The following USP7 variants were observed in gnomAD, a reference collection of about 807,000 sequenced individuals.
USP7 encodes ubiquitin specific peptidase 7, also known as ubiquitin C-terminal hydrolase 7.
A neutral mutation model predicts 162.9 loss-of-function variants in USP7; 9 were observed. That is an observed-to-expected ratio of 0.06 (90% CI 0.03 to 0.10). The LOEUF (loss-of-function observed/expected upper bound fraction) is 0.10. USP7 is among the 10% of genes least tolerant of loss of function. USP7 has a pLI of 1.00. For missense variants in USP7, 715 were observed against 1,373.7 expected (o/e 0.52, Z 7.58); for synonymous variants, 562 against 475.9 (o/e 1.18, Z -2.35).
chr16:8,939,166 G>A (rs1247435310), intron 1 of USP7, among the ~76,000 whole-genome samples: 4 of 152,156 alleles, frequency 2.6e-5, no homozygotes, highest in Non-Finnish European at 4.4e-5. Flanking sequence ...TATTTACTGT[G>A]TAGATTTGTG....
At chr16:8,911,985 T>G (rs2061954123) in intron 10 of USP7, among the ~76,000 whole-genome samples, 1 of 152,180 alleles carries the variant, frequency 6.6e-6, no homozygotes, top group South Asian at 2.1e-4. Flanking sequence ...GGGGACAGGT[T>G]ATCCCTCAAG....
chr16:8,958,938 G>C (rs986017692), intron 1 of USP7, among the ~76,000 whole-genome samples: 1 of 152,216 alleles, frequency 6.6e-6, no homozygotes, highest in Non-Finnish European at 1.5e-5. Context: ...ATCGGATATG[G>C]TTACTGTGGG....
rs138049921 is a variant in USP7, at chr16:8,932,467, CCAT to C, written c.80-2073_80-2071del. 4.8e-3 allele frequency among the ~76,000 whole-genome samples: 728 copies of C among 152,166 alleles called. 9 individuals carry two copies. The highest frequency in any genetic ancestry group is 0.017 in the African/African-American group (699 of 41,500). On this transcript the variant is annotated intron_variant, in intron 1 of 30. Transcript: ENST00000344836. ...ACATACTTCTAAACTAGTCCCTAGA[CCAT>C]CATGTCTTGACAGAAATACTGTGGA...
At chr16:8,903,726 G>A (rs1035552400) in intron 15 of USP7, among the ~76,000 whole-genome samples, 1 of 152,086 alleles carries the variant, frequency 6.6e-6, no homozygotes, top group Middle Eastern at 3.2e-3. Context: ...AATTAGCTGG[G>A]TGTGGTGGCA....
intron 1 of USP7, among the ~76,000 whole-genome samples, chr16:8,952,551 G>T (rs1156989037): frequency 6.6e-6 from 1 of 152,170 alleles, no homozygotes; most frequent in Non-Finnish European, 1.5e-5. Flanking sequence ...CCTTGCACCT[G>T]TCTTCTCAGG....
intron 28 of USP7, 55 bp from the exon 29 acceptor site, chr16:8,894,910 C>T (rs1206908785): frequency 1.5e-5 from 24 of 1,613,744 alleles, no homozygotes; most frequent in East Asian, 4.5e-5. Context: ...CCCCAGGCCA[C>T]GTCACGTGGC....
intron 8 of USP7, 105 bp downstream of exon 8, chr16:8,916,397 A>T: frequency 8.4e-7 from 1 of 1,186,048 alleles, no homozygotes; most frequent in Non-Finnish European, 1.2e-6. Context: ...CTAAACAAAG[A>T]TGGGCATTTT....
intron 16 of USP7, among the ~76,000 whole-genome samples, chr16:8,902,930 C>G (rs2061799562): frequency 6.6e-6 from 1 of 152,158 alleles, no homozygotes; most frequent in South Asian, 2.1e-4. Context: ...TAATTCTTCC[C>G]CGGTTGATTT....
At chr16:8,898,905 T>C (rs934634861) in intron 23 of USP7, among the ~76,000 whole-genome samples, 1 of 152,188 alleles carries the variant, frequency 6.6e-6, no homozygotes, top group Admixed American at 6.5e-5. Flanking sequence ...TGAGGATGTA[T>C]CTAAAGTCAG....
At chr16:8,929,327 C>G in intron 2 of USP7, 1 of 373,080 alleles carries the variant, frequency 2.7e-6, no homozygotes, top group South Asian at 2.0e-5. Flanking sequence ...AAAGCGCACT[C>G]CACAGGTAAC....
chr16:8,908,933 C>A (rs2061901056), intron 11 of USP7, among the ~76,000 whole-genome samples: 1 of 152,226 alleles, frequency 6.6e-6, no homozygotes, highest in Non-Finnish European at 1.5e-5. Flanking sequence ...GGATTATAAG[C>A]TTCCTTTCCT....
chr16:8,898,611 T>C lies in USP7; in HGVS notation c.2560A>G (p.Arg854Gly). 1 of 1,607,858 alleles carries C rather than the reference T, an allele frequency of 6.2e-7. No homozygotes were observed. The highest frequency in any genetic ancestry group is 8.5e-7 in the Non-Finnish European group (1 of 1,178,252). The change falls in exon 24 of 31, where the codon AGA (arginine) becomes GGA (glycine). Residue 854 changes from arginine to glycine, a missense_variant. Transcript: ENST00000344836. ...GYRDGPGNPLRHNYEGTLRDL... is the reference protein window; with the variant it reads ...GYRDGPGNPLGHNYEGTLRDL... ...CTTAAAGTACCTTCATAATTATGTC[T>C]AAGAGGATTACCTGGGCCATCCCTA...
chr16:8,929,045 T>TAAA (rs35836333), intron 2 of USP7, among the ~76,000 whole-genome samples: 1 of 142,320 alleles, frequency 7.0e-6, no homozygotes, highest in Non-Finnish European at 1.5e-5. Context: ...ACCTCCCCCC[T>TAAA]AAAAAAAAAA....
In USP7 at chr16:8,917,138, T is replaced by C. The variant is rs745639108; in HGVS notation, c.739A>G (p.Thr247Ala). ...QLRKAVYMMP[T>A]EGDDSSKSVP... is the part of the protein sequence containing the mutation. ...CTTTTAGACGAATCATCCCCCTCGG[T>C]TGGCATCATGTACACAGCCTGAAAC... Residue 247 changes from threonine (T) to alanine (A), a missense_variant, in exon 7 of 31, where the codon ACC becomes GCC. Around this residue, in one of 11 missense-constraint regions of USP7, gnomAD observed 24 missense variants for 153.3 expected, o/e 0.16. Coordinates refer to ENST00000344836, the MANE Select transcript of USP7 (RefSeq NM_003470.3). 9 of 1,612,966 alleles carry C rather than the reference T, an allele frequency of 5.6e-6. No homozygotes were observed. Among genetic ancestry groups the C allele is most frequent in the East Asian group, 2.2e-5 (1 of 44,872 alleles).
chr16:8,947,464 T>G (rs1899339458), intron 1 of USP7, among the ~76,000 whole-genome samples: 2 of 151,874 alleles, frequency 1.3e-5, no homozygotes, highest in African/African-American at 2.4e-5. Context: ...CTATCCCACA[T>G]CAGCCTCCTG....
rs1897403442 is a variant in USP7 at position 8,916,947 on chromosome 16, T to C, written c.851+79A>G. ...GCCTACAGTATGCTCTACTAACTTT[T>C]CTATTCTCTACTCACTTGTCCTAAA... On this transcript the variant is annotated intron_variant, in intron 7 of 30. Transcript: ENST00000344836. 2.8e-6 allele frequency: 4 copies of C among 1,451,392 alleles called. No homozygotes were observed. In the South Asian group the frequency reaches 6.3e-5, roughly 23 times the overall value. The allele number at this position is 1,451,392 out of a possible 1,614,324, so 89.9% of individuals were successfully genotyped here.
At chr16:8,901,099 C>T (rs1380952384) in intron 19 of USP7, 42 bp from the exon 20 acceptor site, 2 of 1,613,374 alleles carry the variant, frequency 1.2e-6, no homozygotes, top group Non-Finnish European at 1.7e-6. Context: ...CTGTAATGTA[C>T]TGAGCAAAAT....
At chr16:8,895,835 A>C in intron 26 of USP7, 94 bp from the exon 27 acceptor site, 2 of 770,668 alleles carry the variant, frequency 2.6e-6, no homozygotes, top group Non-Finnish European at 1.9e-6. Context: ...AGTTACCACG[A>C]TATGTTTTTT....
At chr16:8,932,588 T>G (rs556931133) in intron 1 of USP7, among the ~76,000 whole-genome samples, 11 of 149,092 alleles carry the variant, frequency 7.4e-5, no homozygotes, top group East Asian at 6.0e-4. Flanking sequence ...GCTCAAATGC[T>G]CCAAATCAAA....
Sources: gnomAD v4.1 joint callset for allele counts (sites outside exome capture counted in the v4.1 genomes callset) on GRCh38, gnomAD v4.1.1 for gene constraint, gnomAD v4.1.1 regional missense constraint, MANE v1.5 for transcripts, NCBI Gene and HGNC (gene_info 2026-07-23, HGNC 2026-07-21) for gene names.